Variants in TMEM120B observed in about 807,000 individuals in gnomAD.
The protein encoded by TMEM120B is transmembrane protein 120B.
TMEM120B carries 31 observed loss-of-function variants against 55.5 expected under a neutral mutation model. That is an observed-to-expected ratio of 0.56 (90% confidence interval 0.42 to 0.75). The LOEUF is 0.75. Ranked by LOEUF, TMEM120B falls within the 30% of genes least tolerant of loss-of-function variation. The pLI, the probability that TMEM120B is intolerant of heterozygous loss-of-function variation, is 0.00. For missense variants in TMEM120B, 399 were observed against 425.5 expected (o/e 0.94, Z 0.55); for synonymous variants, 203 against 176.3 (o/e 1.15, Z -1.20).
Position 121,776,067 on chromosome 12 carries a change from G to A in TMEM120B, c.*345G>A. 3.6e-6 allele frequency: 2 copies of A among 560,940 alleles called. No homozygotes were observed. Among genetic ancestry groups the A allele is most frequent in the Non-Finnish European group, 6.3e-6 (2 of 318,214 alleles). 34.7% of individuals were successfully genotyped at this position (560,940 alleles called of 1,614,324 possible). A position where few individuals can be genotyped will look rare whatever the true frequency, so the allele number is the denominator to read the frequency against. Reference sequence around the variant, plus strand: ...TCCTGTCATTTGAACCCCTCTGGGTGGGGTTTGGATGTGCCTCGCGGGGTT... The same window carrying A: ...TCCTGTCATTTGAACCCCTCTGGGTAGGGTTTGGATGTGCCTCGCGGGGTT... On this transcript the variant is annotated 3_prime_UTR_variant, in exon 12 of 12. Coordinates refer to ENST00000449592, the MANE Select transcript of TMEM120B (RefSeq NM_001080825.2).
chr12:121,745,422 G>A (rs547547223), intron 2 of TMEM120B, among the ~76,000 whole-genome samples: 4 of 151,942 alleles, frequency 2.6e-5, no homozygotes, highest in South Asian at 2.1e-4. Context: ...ATGAAGTCTC[G>A]CTCTGTTGCC....
At chr12:121,751,334 A>C (rs1592938841) in intron 4 of TMEM120B, among the ~76,000 whole-genome samples, 2 of 38,188 alleles carry the variant, frequency 5.2e-5, no homozygotes, top group African/African-American at 1.1e-4. Context: ...CCCACACCAC[A>C]CACCCCACAC....
chr12:121,753,866 C>T (rs542303958), intron 5 of TMEM120B, among the ~76,000 whole-genome samples: 1 of 152,282 alleles, frequency 6.6e-6, no homozygotes, highest in African/African-American at 2.4e-5. Flanking sequence ...GAGCTGGCAC[C>T]GTGTGTGGAA....
At position 121,752,227 on chromosome 12, in the gene TMEM120B, G is replaced by A. The variant is rs1873353505; in HGVS notation, c.461+4G>A. ...GTCGATTTGTCCTTCACTACAGGTA[G>A]TGGGTGTGGCCGTGTGTGCCTGGGC... On this transcript the variant is annotated splice_donor_region_variant and intron_variant, in intron 5 of 11. Transcript: ENST00000449592. 6.2e-7 allele frequency: 1 copy of A among 1,613,438 alleles called. No homozygotes were observed. Among genetic ancestry groups the A allele is most frequent in the African/African-American group, 1.3e-5 (1 of 75,036 alleles).
chr12:121,766,408 A>G (rs918759931), intron 6 of TMEM120B, among the ~76,000 whole-genome samples: 3 of 152,188 alleles, frequency 2.0e-5, no homozygotes, highest in African/African-American at 4.8e-5. Flanking sequence ...CAAGGAGGTC[A>G]GGAGGGCTCA....
intron 3 of TMEM120B, 118 bp from the exon 4 acceptor site, chr12:121,750,262 G>A (rs1873233471): frequency 2.1e-6 from 2 of 947,658 alleles, no homozygotes; most frequent in South Asian, 2.8e-5. Context: ...CTGAGCTTAG[G>A]CCCCCTATCT....
At chr12:121,719,448 T>A (rs1201194042) in intron 1 of TMEM120B, among the ~76,000 whole-genome samples, 1 of 152,098 alleles carries the variant, frequency 6.6e-6, no homozygotes, top group East Asian at 1.9e-4. Flanking sequence ...TAGCTAGGCA[T>A]GGTGGCGTGC....
At chr12:121,773,767 T>TACTCACACACACACAC (rs1555333213) in intron 9 of TMEM120B, among the ~76,000 whole-genome samples, 3 of 151,262 alleles carry the variant, frequency 2.0e-5, no homozygotes, top group African/African-American at 7.3e-5. Flanking sequence ...TGTTCTAGAA[T>TACTCACACACACACAC]ACACACACAC....
intron 1 of TMEM120B, among the ~76,000 whole-genome samples, chr12:121,743,050 C>T (rs1479343738): frequency 6.6e-6 from 1 of 152,160 alleles, no homozygotes; most frequent in Non-Finnish European, 1.5e-5. Flanking sequence ...TCCCCCAGCA[C>T]TGGGGCGAAG....
At chr12:121,754,849 G>T (rs1873434166) in intron 5 of TMEM120B, among the ~76,000 whole-genome samples, 1 of 152,204 alleles carries the variant, frequency 6.6e-6, no homozygotes, top group African/African-American at 2.4e-5. Flanking sequence ...AGAGGAGGGG[G>T]ATTGGACGGG....
Position 121,712,756 on chromosome 12 carries a change from G to A in TMEM120B, c.-140G>A, listed in dbSNP as rs902372837. 2.2e-6 allele frequency: 1 copy of A among 459,776 alleles called. No homozygotes were observed. The highest frequency in any genetic ancestry group is 3.3e-6 in the Non-Finnish European group (1 of 302,654). The allele number at this position is 459,776 out of a possible 1,614,324, so 28.5% of individuals were successfully genotyped here. Reference sequence around the variant, plus strand: ...CCGGGGCGGGGCCGTGACGTCAGTTGCGCGCGTGGCTCTGGCTGCGCAGGA... The same window carrying A: ...CCGGGGCGGGGCCGTGACGTCAGTTACGCGCGTGGCTCTGGCTGCGCAGGA... On this transcript the variant is annotated 5_prime_UTR_variant, in exon 1 of 12. Transcript: ENST00000449592.
At chr12:121,750,234 TG>T in intron 3 of TMEM120B, 145 bp from the exon 4 acceptor site, 1 of 737,698 alleles carries the variant, frequency 1.4e-6, no homozygotes, top group Non-Finnish European at 2.4e-6. Flanking sequence ...TCACTCGATG[TG>T]GGGGCCCATT....
At chr12:121,769,715 C>CGTGTGTGTGTGTGTGTGTGT (rs63639861) in intron 6 of TMEM120B, among the ~76,000 whole-genome samples, 16 of 148,318 alleles carry the variant, frequency 1.1e-4, no homozygotes, top group African/African-American at 3.7e-4. Context: ...AAAGAGAAAA[C>CGTGTGTGTGTGTGTGTGTGT]GTGTGTGTGT....
chr12:121,772,079 TTC>T (rs1566526435), intron 8 of TMEM120B, among the ~76,000 whole-genome samples: 1 of 140,406 alleles, frequency 7.1e-6, no homozygotes, highest in African/African-American at 2.9e-5. Flanking sequence ...TTTTCTTTCT[TTC>T]TCTTTCTCTC....
rs934690222 is a variant in TMEM120B at position 121,775,690 on chromosome 12, CAGA to C, written c.993_995del (p.Lys331del). The C allele has an allele frequency of 2.9e-5, 46 of 1,613,954 alleles. No homozygotes were observed. Among genetic ancestry groups the C allele is most frequent in the Non-Finnish European group, 3.9e-5 (46 of 1,179,996 alleles). The stretch of plus-strand genomic sequence containing the variant: ...GCTCAAAGTCGTGCATGCCAAGCTC[CAGA>C]AGAACAGAGGCAAGACAAAGCAGCC... On this transcript the variant is annotated inframe_deletion, in exon 12 of 12. Coordinates refer to ENST00000449592, the MANE Select transcript of TMEM120B (RefSeq NM_001080825.2). This position sits in a 1 kb window ranked among gnomAD's most constrained non-coding sequence, Gnocchi z 4.3.
chr12:121,752,273 T>G, intron 5 of TMEM120B, 50 bp downstream of exon 5: 3 of 1,534,822 alleles, frequency 2.0e-6, no homozygotes, highest in Non-Finnish European at 2.7e-6. Flanking sequence ...AGACGTCAGG[T>G]GGGGGCCGGG....
intron 3 of TMEM120B, among the ~76,000 whole-genome samples, chr12:121,748,854 T>G (rs1873185082): frequency 6.6e-6 from 1 of 152,206 alleles, no homozygotes. Flanking sequence ...TTTACAAGAT[T>G]CAGAGACATC....
At chr12:121,754,691 A>G (rs893944795) in intron 5 of TMEM120B, among the ~76,000 whole-genome samples, 1 of 152,172 alleles carries the variant, frequency 6.6e-6, no homozygotes, top group Admixed American at 6.6e-5. Context: ...TTTAGAGCCC[A>G]CCCTAACACA....
At position 121,775,545 on chromosome 12, in the gene TMEM120B, G is replaced by T. The variant is rs555184061; in HGVS notation, c.907-64G>T. On this transcript the variant is annotated intron_variant, in intron 11 of 11. Coordinates refer to ENST00000449592, the MANE Select transcript of TMEM120B (RefSeq NM_001080825.2). This position sits in a 1 kb window ranked among gnomAD's most constrained non-coding sequence, Gnocchi z 4.3. ...GCAGCTGTGCTGGAGATTCTGGGGT[G>T]CTGGGGGCAGGGGTTCAGCAGGGCA... 1.3e-6 allele frequency: 2 copies of T among 1,555,612 alleles called. No individual in the cohort carries two copies. The highest frequency in any genetic ancestry group is 1.7e-6 in the Non-Finnish European group (2 of 1,150,988).
Sources: gnomAD v4.1 joint callset for allele counts (sites outside exome capture counted in the v4.1 genomes callset) on GRCh38, gnomAD v4.1.1 for gene constraint, Gnocchi (gnomAD v3.1) non-coding constraint, MANE v1.5 for transcripts, NCBI Gene and HGNC (gene_info 2026-07-23, HGNC 2026-07-21) for gene names.